SPECC1: variants seen among roughly 807,000 people sequenced by gnomAD.
The protein encoded by SPECC1 is cytospin-B.
In SPECC1, 62 loss-of-function variants were observed where a neutral mutation model predicts 104.1. The ratio of observed to expected loss-of-function variants is 0.60; its 90% confidence interval spans 0.49 to 0.74. SPECC1 has a LOEUF of 0.74. Ranked by LOEUF, SPECC1 falls within the 30% of genes least tolerant of loss-of-function variation. The pLI, the probability that SPECC1 is intolerant of heterozygous loss-of-function variation, is 0.00. For missense variants in SPECC1, 1,306 were observed against 1,310.5 expected (o/e 1.00, Z 0.05); for synonymous variants, 513 against 501.6 (o/e 1.02, Z -0.30).
intron 3 of SPECC1, among the ~76,000 whole-genome samples, chr17:20,200,591 T>C (rs1167147963): frequency 2.0e-5 from 3 of 152,178 alleles, no homozygotes; most frequent in Admixed American, 6.5e-5. Context: ...TAAGGAAGCA[T>C]GGCCAGTCTC....
intron 1 of SPECC1, among the ~76,000 whole-genome samples, chr17:20,076,432 T>A (rs1323938451): frequency 6.6e-6 from 1 of 152,180 alleles, no homozygotes; most frequent in Non-Finnish European, 1.5e-5. Context: ...ACTCCTGAGC[T>A]GAAGTGATCT....
intron 11 of SPECC1, among the ~76,000 whole-genome samples, chr17:20,258,942 G>A (rs774057582): frequency 9.9e-5 from 15 of 152,200 alleles, no homozygotes; most frequent in Non-Finnish European, 1.8e-4. Context: ...GACAGTAAAA[G>A]TTCAACTTAC....
At chr17:20,296,022 T>C (rs1394246016) in intron 12 of SPECC1, among the ~76,000 whole-genome samples, 1 of 152,268 alleles carries the variant, frequency 6.6e-6, no homozygotes, top group African/African-American at 2.4e-5. Flanking sequence ...CTCTTTAGTT[T>C]AATTAGATCT....
intron 1 of SPECC1, chr17:20,095,803 C>G (rs532981041): frequency 6.5e-6 from 1 of 152,912 alleles, no homozygotes; most frequent in East Asian, 1.9e-4. Flanking sequence ...GTGTCACACC[C>G]TGAGTCCATG....
chr17:20,077,825 A>G (rs1273888490), intron 1 of SPECC1, among the ~76,000 whole-genome samples: 1 of 152,110 alleles, frequency 6.6e-6, no homozygotes, highest in African/African-American at 2.4e-5. Flanking sequence ...GAGGCAACAT[A>G]AGATTCTGGT....
intron 1 of SPECC1, among the ~76,000 whole-genome samples, chr17:20,068,099 G>A (rs2046423910): frequency 6.6e-6 from 1 of 152,010 alleles, no homozygotes; most frequent in Non-Finnish European, 1.5e-5. Context: ...CCAAGTAGCT[G>A]GGACCACAGA....
At chr17:20,086,459 A>G (rs1221081623) in intron 1 of SPECC1, among the ~76,000 whole-genome samples, 1 of 152,132 alleles carries the variant, frequency 6.6e-6, no homozygotes, top group African/African-American at 2.4e-5. Flanking sequence ...CCTGCTGCTC[A>G]TGACTTAAGG....
At chr17:20,022,792 T>G (rs1361595040) in intron 1 of SPECC1, among the ~76,000 whole-genome samples, 2 of 152,116 alleles carry the variant, frequency 1.3e-5, no homozygotes, top group Non-Finnish European at 2.9e-5. Flanking sequence ...GGCAATACCT[T>G]AAGGATAAAC....
intron 11 of SPECC1, among the ~76,000 whole-genome samples, chr17:20,259,632 A>C (rs1444350442): frequency 6.6e-6 from 1 of 152,040 alleles, no homozygotes; most frequent in East Asian, 1.9e-4. Flanking sequence ...CAGCCTCCTG[A>C]GTAGCTGGGA....
At chr17:20,230,542 T>A (rs890260773) in intron 5 of SPECC1, among the ~76,000 whole-genome samples, 13 of 152,114 alleles carry the variant, frequency 8.5e-5, no homozygotes, top group Admixed American at 4.6e-4. Flanking sequence ...ATTTTGCTGT[T>A]GAAAATAGGG....
chr17:20,127,519 T>C (rs915610737), intron 3 of SPECC1, among the ~76,000 whole-genome samples: 2 of 146,590 alleles, frequency 1.4e-5, no homozygotes, highest in Non-Finnish European at 3.0e-5. Flanking sequence ...CATAGCTCAC[T>C]GTAGCCTGGA....
At position 20,096,960 on chromosome 17, in the gene SPECC1, G is replaced by C. The variant is rs1597689760; in HGVS notation, c.147+162G>C. 3.3e-5 allele frequency among the ~76,000 whole-genome samples: 5 copies of C among 152,332 alleles called. No homozygotes were observed. In the East Asian group the frequency reaches 9.6e-4, roughly 29 times the overall value. On this transcript the variant is annotated intron_variant, in intron 2 of 14. Coordinates refer to ENST00000395527, the MANE Select transcript of SPECC1 (RefSeq NM_001243439.2). ...GCATGCCTGGACATGAAGGAATAGA[G>C]CTAGCGGGTGGGAGTGGGGGCCCTC...
intron 1 of SPECC1, among the ~76,000 whole-genome samples, chr17:20,064,927 A>G (rs2046310026): frequency 6.6e-6 from 1 of 152,188 alleles, no homozygotes; most frequent in African/African-American, 2.4e-5. Context: ...AAAGTCATCT[A>G]AAGAGATGGT....
chr17:20,241,015 C>T (rs2039176958), intron 7 of SPECC1, among the ~76,000 whole-genome samples: 1 of 152,348 alleles, frequency 6.6e-6, no homozygotes, highest in Admixed American at 6.5e-5. Flanking sequence ...CAGGGCCTGA[C>T]GTTTGCCCCA....
chr17:20,083,860 C>G (rs1424387003), intron 1 of SPECC1, among the ~76,000 whole-genome samples: 1 of 152,176 alleles, frequency 6.6e-6, no homozygotes, highest in Non-Finnish European at 1.5e-5. Context: ...TATTAGAGTT[C>G]CAGTTGCTCC....
intron 7 of SPECC1, among the ~76,000 whole-genome samples, chr17:20,243,549 C>A (rs542715757): frequency 6.6e-6 from 1 of 152,246 alleles, no homozygotes; most frequent in South Asian, 2.1e-4. Flanking sequence ...GAATCCCTCT[C>A]ACATACACAG....
rs1160684895 is a variant in SPECC1 at position 20,201,804 on chromosome 17, C to G, written c.284-2529C>G. Among the ~76,000 whole-genome samples, 3 of 152,120 alleles carry G rather than the reference C, an allele frequency of 2.0e-5. No homozygotes were observed. In the East Asian group the frequency reaches 5.8e-4, roughly 29 times the overall value. On this transcript the variant is annotated intron_variant, in intron 3 of 14. Coordinates refer to ENST00000395527, the MANE Select transcript of SPECC1 (RefSeq NM_001243439.2). ...CTGTGACACCTATAAGTAAGGCTGA[C>G]CCATGAACAACACTAGCTTGAACTG...
At chr17:20,303,860 A>G (rs888812195) in intron 13 of SPECC1, among the ~76,000 whole-genome samples, 1 of 151,896 alleles carries the variant, frequency 6.6e-6, no homozygotes, top group Non-Finnish European at 1.5e-5. Flanking sequence ...GGCTGAGGCA[A>G]GGGAACTGGT....
chr17:20,237,106 C>T, intron 7 of SPECC1: 6 of 1,397,038 alleles, frequency 4.3e-6, no homozygotes, highest in South Asian at 1.6e-5. Flanking sequence ...TGATGTTTCC[C>T]TCTTTTTACT....
Sources: gnomAD v4.1 joint callset for allele counts (sites outside exome capture counted in the v4.1 genomes callset) on GRCh38, gnomAD v4.1.1 for gene constraint, MANE v1.5 for transcripts, NCBI Gene and HGNC (gene_info 2026-07-23, HGNC 2026-07-21) for gene names.